The following MAST2 variants were observed in gnomAD, a reference collection of about 807,000 sequenced individuals.
MAST2 encodes microtubule associated serine/threonine kinase 2, also known as microtubule-associated serine/threonine-protein kinase 2.
Under a neutral mutation model 147.4 loss-of-function variants are expected in MAST2, and 70 were observed. That is an observed-to-expected ratio of 0.47 (90% CI 0.39 to 0.58). The LOEUF (loss-of-function observed/expected upper bound fraction) is 0.58. Ranked by LOEUF, MAST2 falls within the 20% of genes least tolerant of loss-of-function variation. The pLI, the probability that MAST2 is intolerant of heterozygous loss-of-function variation, is 0.00. For synonymous variants in MAST2, 869 were observed against 896.8 expected (o/e 0.97, Z 0.55); for missense variants, 2,080 against 2,302.3 (o/e 0.90, Z 1.98).
At chr1:45,940,479 A>C (rs986785422) in intron 4 of MAST2, among the ~76,000 whole-genome samples, 1 of 152,128 alleles carries the variant, frequency 6.6e-6, no homozygotes, top group Non-Finnish European at 1.5e-5. Flanking sequence ...ACTTTTGTCT[A>C]TCTGTGTCAA....
intron 7 of MAST2, 80 bp downstream of exon 7, chr1:46,002,963 G>A: frequency 1.4e-6 from 2 of 1,397,804 alleles, no homozygotes; most frequent in Non-Finnish European, 2.0e-6. Context: ...TCACAAAATG[G>A]TTCTCAACTT....
Position 45,954,357 on chromosome 1 carries a change from G to T in MAST2, c.501-5029G>T, listed in dbSNP as rs145533239. ...AACGATCTACTACTCTCCAAATGTG[G>T]TTACAATTCAACATTGTCACAGAGA... On this transcript the variant is annotated intron_variant, in intron 4 of 28. Coordinates refer to ENST00000361297, the MANE Select transcript of MAST2 (RefSeq NM_015112.3). Among the ~76,000 whole-genome samples the T allele has an allele frequency of 2.7e-3, 418 of 152,260 alleles. 2 individuals are homozygous for T. Among genetic ancestry groups the T allele is most frequent in the Middle Eastern group, 6.8e-3 (2 of 294 alleles).
In MAST2 at chr1:45,811,886, G is replaced by A. The variant is rs192704271; in HGVS notation, c.177+7814G>A. Among the ~76,000 whole-genome samples, 1,163 of 152,028 alleles carry A rather than the reference G, an allele frequency of 7.6e-3. 16 individuals are homozygous for A. Among genetic ancestry groups the A allele is most frequent in the African/African-American group, 0.027 (1,111 of 41,468 alleles). On this transcript the variant is annotated intron_variant, in intron 1 of 28. Transcript: ENST00000361297. ...CCTGACCTCGTGATCCGCCTGTCTC[G>A]GCCTCCCAAAGTGCTAGGATTACAG...
intron 4 of MAST2, among the ~76,000 whole-genome samples, chr1:45,911,142 A>G (rs1483888028): frequency 1.3e-5 from 2 of 152,230 alleles, no homozygotes; most frequent in African/African-American, 4.8e-5. Flanking sequence ...TTCTTTCACC[A>G]TACTGCAAAT....
chr1:45,953,228 T>TAA (rs35599360), intron 4 of MAST2, among the ~76,000 whole-genome samples: 58 of 149,580 alleles, frequency 3.9e-4, no homozygotes, highest in Admixed American at 5.3e-4. Context: ...GAGCAGAGGT[T>TAA]AAAAAAAAAA....
chr1:45,930,444 G>A (rs1396167107), intron 4 of MAST2, among the ~76,000 whole-genome samples: 2 of 125,220 alleles, frequency 1.6e-5, no homozygotes, highest in Admixed American at 8.4e-5. Flanking sequence ...TATGTGAAGG[G>A]AATCAGTTTC....
intron 4 of MAST2, among the ~76,000 whole-genome samples, chr1:45,914,530 A>G (rs932613596): frequency 3.3e-5 from 5 of 152,246 alleles, no homozygotes; most frequent in African/African-American, 1.2e-4. Flanking sequence ...GAAGAGACCT[A>G]GAATTCATTT....
chr1:45,845,825 A>T (rs2147943861), intron 3 of MAST2, among the ~76,000 whole-genome samples: 1 of 152,260 alleles, frequency 6.6e-6, no homozygotes, highest in East Asian at 1.9e-4. Context: ...CAGCGGTGCG[A>T]TCTCGGCTCA....
At chr1:45,835,926 T>C (rs1645089197) in intron 3 of MAST2, among the ~76,000 whole-genome samples, 1 of 152,226 alleles carries the variant, frequency 6.6e-6, no homozygotes, top group Non-Finnish European at 1.5e-5. Context: ...CATTATAGCA[T>C]GTATCAATAC....
At chr1:45,845,274 A>G (rs891935241) in intron 3 of MAST2, among the ~76,000 whole-genome samples, 1 of 152,192 alleles carries the variant, frequency 6.6e-6, no homozygotes, top group Non-Finnish European at 1.5e-5. Context: ...TTATAAGAGC[A>G]GGTTTTGTTT....
At chr1:45,812,087 T>TA (rs547743806) in intron 1 of MAST2, among the ~76,000 whole-genome samples, 109 of 152,206 alleles carry the variant, frequency 7.2e-4, no homozygotes, top group Middle Eastern at 3.4e-3. Context: ...AGTATATTCT[T>TA]ATTTGTGTTT....
Position 46,035,525 on chromosome 1 carries a change from C to A in MAST2, c.4856C>A (p.Ala1619Asp). 6.2e-7 allele frequency: 1 copy of A among 1,613,378 alleles called. No homozygotes were observed. The change falls in exon 29 of 29, where the codon GCC becomes GAC. Residue 1619 changes from alanine to aspartate, a missense_variant. Coordinates refer to ENST00000361297, the MANE Select transcript of MAST2 (RefSeq NM_015112.3). This position sits in a 1 kb window ranked among gnomAD's most constrained non-coding sequence, Gnocchi z 5.5. ...DPIPPEGCWK[A>D]QHLHTQALTA... Reference sequence around the variant, plus strand: ...ATCCCTCCTGAAGGTTGCTGGAAGGCCCAGCACCTCCACACCCAGGCACTA... The same window carrying A: ...ATCCCTCCTGAAGGTTGCTGGAAGGACCAGCACCTCCACACCCAGGCACTA...
intron 7 of MAST2, among the ~76,000 whole-genome samples, chr1:46,004,823 T>A (rs1283974371): frequency 6.6e-6 from 1 of 152,202 alleles, no homozygotes; most frequent in Non-Finnish European, 1.5e-5. Flanking sequence ...GAGCAGTAGC[T>A]CAGGCCTATA....
chr1:45,886,266 CAT>C (rs1246088530), intron 4 of MAST2, among the ~76,000 whole-genome samples: 3 of 146,254 alleles, frequency 2.1e-5, no homozygotes, highest in African/African-American at 5.0e-5. Flanking sequence ...TATAAGTATA[CAT>C]ATATATTTAT....
chr1:45,910,364 T>A (rs937925689), intron 4 of MAST2, among the ~76,000 whole-genome samples: 1 of 152,306 alleles, frequency 6.6e-6, no homozygotes, highest in Admixed American at 6.5e-5. Flanking sequence ...ATTTTTCTTT[T>A]AAATATTCAA....
chr1:45,986,716 C>CA (rs201589013), intron 5 of MAST2, among the ~76,000 whole-genome samples: 18,052 of 118,614 alleles, frequency 0.15, 1,730 homozygotes, highest in East Asian at 0.25. Flanking sequence ...GACTCCGTCT[C>CA]AAAAAAAAAA....
intron 2 of MAST2, among the ~76,000 whole-genome samples, chr1:45,825,302 G>A (rs1644757450): frequency 6.6e-6 from 1 of 151,494 alleles, no homozygotes; most frequent in Non-Finnish European, 1.5e-5. Flanking sequence ...TGGGATTACA[G>A]GCGTGAGCCA....
intron 4 of MAST2, among the ~76,000 whole-genome samples, chr1:45,927,568 A>G (rs4279789): frequency 1 from 152,209 of 152,370 alleles, 76,026 homozygotes; most frequent in Middle Eastern, 1. Context: ...GTTCTGCCTG[A>G]CTCACCGGCG....
At chr1:45,995,903 G>T (rs762697716) in intron 5 of MAST2, among the ~76,000 whole-genome samples, 13 of 152,114 alleles carry the variant, frequency 8.5e-5, no homozygotes, top group Non-Finnish European at 1.5e-4. Context: ...GTGAACATAT[G>T]TACCTTTAAG....
Sources: gnomAD v4.1 joint callset for allele counts (sites outside exome capture counted in the v4.1 genomes callset) on GRCh38, gnomAD v4.1.1 for gene constraint, Gnocchi (gnomAD v3.1) non-coding constraint, MANE v1.5 for transcripts, NCBI Gene and HGNC (gene_info 2026-07-23, HGNC 2026-07-21) for gene names.